Variants in BMS1 observed in about 807,000 individuals in gnomAD.
BMS1 encodes the protein ribosome biogenesis protein BMS1 homolog.
In BMS1, 53 loss-of-function variants were observed where a neutral mutation model predicts 138.7. The ratio of observed to expected loss-of-function variants is 0.38; its 90% CI spans 0.31 to 0.48. The LOEUF is 0.48. BMS1 is among the 20% of genes least tolerant of loss of function. BMS1 has a pLI of 0.97. For synonymous variants in BMS1, 504 were observed against 539.9 expected, an observed-to-expected ratio of 0.93 and a Z score of 0.92; for missense variants, 1,360 against 1,565.5, an observed-to-expected ratio of 0.87 and a Z score of 2.22.
intron 13 of BMS1, among the ~76,000 whole-genome samples, chr10:42,804,259 G>A (rs1273730352): frequency 6.6e-6 from 1 of 152,138 alleles, no homozygotes; most frequent in Non-Finnish European, 1.5e-5. Flanking sequence ...GTTCAGAATG[G>A]ACTAAATGGG....
intron 13 of BMS1, among the ~76,000 whole-genome samples, chr10:42,812,942 T>C (rs576311728): frequency 6.6e-6 from 1 of 152,274 alleles, no homozygotes; most frequent in South Asian, 2.1e-4. Context: ...GGGTGTCTGG[T>C]AGAAACAGGA....
chr10:42,789,482 C>T (rs964601729), intron 4 of BMS1, among the ~76,000 whole-genome samples: 3 of 152,030 alleles, frequency 2.0e-5, no homozygotes, highest in Non-Finnish European at 2.9e-5. Context: ...CTAGAAATTT[C>T]CAGGAATCAA....
Position 42,820,306 on chromosome 10 carries a change from T to G in BMS1, c.2651T>G (p.Met884Arg). Residue 884 changes from methionine (M) to arginine (R), a missense_variant, in exon 16 of 23, where the codon ATG becomes AGG. Met to Arg is a moderately conservative substitution (Grantham distance 91). This residue lies in a region of BMS1 where 425 missense variants were observed against 568.3 expected (regional missense o/e 0.75). Coordinates refer to ENST00000374518, the MANE Select transcript of BMS1 (RefSeq NM_014753.4). ...CAGTATGAGGGTTTTCGACCTGGGA[T>G]GTACGTCCGCATTGAGATTGAAAAT... ...RVQYEGFRPG[M>R]YVRIEIENVP... is the part of the protein sequence containing the mutation. 1 of 1,613,810 alleles carries G rather than the reference T, an allele frequency of 6.2e-7. No homozygotes were observed. The highest frequency in any genetic ancestry group is 8.5e-7 in the Non-Finnish European group (1 of 1,179,866).
rs1416976243 is a variant in BMS1, at chr10:42,793,285, T to C, written c.1089+141T>C. 2.0e-5 allele frequency: 15 copies of C among 760,684 alleles called. No individual in the cohort carries two copies. The South Asian group carries it at 3.0e-4, about 15-fold the overall frequency. The allele number at this position is 760,684 out of a possible 1,614,324, so 47.1% of individuals were successfully genotyped here. On this transcript the variant is annotated intron_variant, in intron 8 of 22. Coordinates refer to ENST00000374518, the MANE Select transcript of BMS1 (RefSeq NM_014753.4). ...CTTATAATAAAGGCCCAAATGCATATTGTAAATATATAGGATAAAAATAAT... is the reference window on the plus strand; with the variant it reads ...CTTATAATAAAGGCCCAAATGCATACTGTAAATATATAGGATAAAAATAAT...
At chr10:42,815,309 G>A (rs866834584) in intron 13 of BMS1, among the ~76,000 whole-genome samples, 7 of 152,202 alleles carry the variant, frequency 4.6e-5, no homozygotes, top group South Asian at 2.1e-4. Context: ...GGAGAGCACC[G>A]ATGAGTGTTG....
At chr10:42,811,661 A>T (rs1016634855) in intron 13 of BMS1, among the ~76,000 whole-genome samples, 3 of 147,452 alleles carry the variant, frequency 2.0e-5, no homozygotes, top group Non-Finnish European at 3.0e-5. Flanking sequence ...AGTAGCTGGG[A>T]CTACAGGCGC....
chr10:42,801,296 A>G (rs1456551152), intron 12 of BMS1, among the ~76,000 whole-genome samples: 1 of 152,234 alleles, frequency 6.6e-6, no homozygotes, highest in African/African-American at 2.4e-5. Context: ...GAATCAGCAG[A>G]TGATGAAATT....
chr10:42,829,678 C>T (rs1340471048), intron 21 of BMS1, among the ~76,000 whole-genome samples: 4 of 151,822 alleles, frequency 2.6e-5, no homozygotes, highest in South Asian at 2.1e-4. Context: ...AAAAATTAGC[C>T]GGGCGTGGTG....
At chr10:42,807,611 AC>A (rs1842049843) in intron 13 of BMS1, among the ~76,000 whole-genome samples, 1 of 152,128 alleles carries the variant, frequency 6.6e-6, no homozygotes, top group Non-Finnish European at 1.5e-5. Flanking sequence ...AGCTGGGACT[AC>A]AGGCATGCAC....
rs759267095 is a variant in BMS1, at chr10:42,830,289, A to G, written c.3485A>G (p.Asn1162Ser). Residue 1162 changes from asparagine to serine, a missense_variant, in exon 22 of 23, where the codon AAT (asparagine) becomes AGT (serine). Physicochemically the swap from Asn to Ser is conservative, Grantham distance 46. Coordinates refer to ENST00000374518, the MANE Select transcript of BMS1 (RefSeq NM_014753.4). ...ATCCTGAGGCAAAAGAAACATTTTAATTCACTGCACATTCCAAAAGCCTTG... is the reference window on the plus strand; with the variant it reads ...ATCCTGAGGCAAAAGAAACATTTTAGTTCACTGCACATTCCAAAAGCCTTG... ...KPILRQKKHF[N>S]SLHIPKALQK... 6.2e-7 allele frequency: 1 copy of G among 1,613,190 alleles called. No homozygotes were observed. Among genetic ancestry groups the G allele is most frequent in the Non-Finnish European group, 8.5e-7 (1 of 1,179,830 alleles).
intron 21 of BMS1, among the ~76,000 whole-genome samples, chr10:42,826,611 G>T (rs1239453549): frequency 2.0e-5 from 3 of 152,162 alleles, no homozygotes; most frequent in Non-Finnish European, 2.9e-5. Context: ...GATTCTCCAG[G>T]GCTAGTCCAG....
At chr10:42,822,883 G>T (rs1842540960) in intron 19 of BMS1, among the ~76,000 whole-genome samples, 1 of 152,214 alleles carries the variant, frequency 6.6e-6, no homozygotes, top group Non-Finnish European at 1.5e-5. Flanking sequence ...CTTCCACACA[G>T]ACAGCGGTGA....
intron 18 of BMS1, among the ~76,000 whole-genome samples, chr10:42,821,755 G>A (rs1842509679): frequency 6.6e-6 from 1 of 151,964 alleles, no homozygotes; most frequent in Non-Finnish European, 1.5e-5. Context: ...ATTTTGCCAT[G>A]TTGGCCAGAC....
At chr10:42,799,150 C>T (rs561735022) in intron 12 of BMS1, among the ~76,000 whole-genome samples, 2 of 152,252 alleles carry the variant, frequency 1.3e-5, no homozygotes, top group South Asian at 4.1e-4. Context: ...CTCTGCAGCC[C>T]AGGCTGGAGT....
rs1370221785 is a variant in BMS1, at chr10:42,784,414, A to G, written c.20A>G (p.Lys7Arg). 3.7e-6 allele frequency: 6 copies of G among 1,609,634 alleles called. No individual in the cohort carries two copies. The highest frequency in any genetic ancestry group is 5.1e-6 in the Non-Finnish European group (6 of 1,179,562). The part of the protein sequence containing the change: MEAKDQ[K>R]KHRKKNSGPK... ...GCCACTATGGAGGCTAAGGACCAGAAGAAACACAGAAAGAAAAACAGTGGA... is the reference window on the plus strand; with the variant it reads ...GCCACTATGGAGGCTAAGGACCAGAGGAAACACAGAAAGAAAAACAGTGGA... The change falls in exon 2 of 23, where the codon AAG becomes AGG. Residue 7 changes from lysine (K) to arginine (R), a missense_variant. By Grantham distance (26) the Lys-to-Arg change is conservative. Coordinates refer to ENST00000374518, the MANE Select transcript of BMS1 (RefSeq NM_014753.4).
chr10:42,801,887 G>T (rs1841885736), intron 12 of BMS1, among the ~76,000 whole-genome samples: 1 of 152,098 alleles, frequency 6.6e-6, no homozygotes, highest in Non-Finnish European at 1.5e-5. Context: ...GTAATTATCT[G>T]TTTGTTTACT....
At chr10:42,829,986 C>A (rs978685017) in intron 21 of BMS1, among the ~76,000 whole-genome samples, 3 of 152,130 alleles carry the variant, frequency 2.0e-5, no homozygotes, top group African/African-American at 7.2e-5. Context: ...TCTGTTGAGA[C>A]CCCATAGTTC....
chr10:42,832,640 A>C lies in BMS1; in HGVS notation c.*1544A>C, dbSNP rs1393203278. On this transcript the variant is annotated 3_prime_UTR_variant, in exon 23 of 23. Transcript: ENST00000374518. ...GTCTGAGAGGCTCTCTAAAAGCCTA[A>C]AGTCTGTAGGCAGGTGCTCAGCTTT... is the stretch of plus-strand genomic sequence containing the variant. The C allele has an allele frequency of 6.6e-6, 1 of 152,106 alleles. No individual in the cohort carries two copies. Among genetic ancestry groups the C allele is most frequent in the Non-Finnish European group, 1.5e-5 (1 of 68,034 alleles). The allele number at this position is 152,106 out of a possible 1,614,324, so 9.4% of individuals were successfully genotyped here. A position where few individuals can be genotyped will look rare whatever the true frequency, so the allele number is the denominator to read the frequency against.
In BMS1 at chr10:42,787,141, G is replaced by A. The variant is rs1841359977; in HGVS notation, c.368-27G>A. 7 of 799,950 alleles carry A rather than the reference G, an allele frequency of 8.8e-6. No individual in the cohort carries two copies. The South Asian group carries it at 1.0e-4, about 12-fold the overall frequency. The allele number at this position is 799,950 out of a possible 1,614,324, so 49.6% of individuals were successfully genotyped here. On this transcript the variant is annotated intron_variant, in intron 3 of 22. Transcript: ENST00000374518. ...AGAGTTTTTTCAGGGTCTTTTTAAA[G>A]TAAAATTTTCATCTTTTCACTTATA... is the stretch of plus-strand genomic sequence containing the variant.
Sources: gnomAD v4.1 joint callset for allele counts (sites outside exome capture counted in the v4.1 genomes callset) on GRCh38, gnomAD v4.1.1 for gene constraint, gnomAD v4.1.1 regional missense constraint, MANE v1.5 for transcripts, NCBI Gene and HGNC (gene_info 2026-07-23, HGNC 2026-07-21) for gene names.